PTPRD: variants seen among roughly 807,000 people sequenced by gnomAD.
PTPRD encodes receptor-type tyrosine-protein phosphatase delta.
Under a neutral mutation model 214.5 loss-of-function variants are expected in PTPRD, and 34 were observed. The observed-to-expected ratio is 0.16, with a 90% CI of 0.12 to 0.21. PTPRD has a LOEUF of 0.21. Among genes scored for constraint, PTPRD ranks in the 10% least tolerant of loss-of-function variants. The pLI is 1.00. For synonymous variants in PTPRD, 1,128 were observed against 845.7 expected (o/e 1.33, Z -5.79); for missense variants, 2,545 against 2,398.7 (o/e 1.06, Z -1.27).
At chr9:9,010,571 C>A (rs185736368) in intron 11 of PTPRD, among the ~76,000 whole-genome samples, 25 of 152,318 alleles carry the variant, frequency 1.6e-4, no homozygotes, top group African/African-American at 5.8e-4. Flanking sequence ...CATGTTTTCA[C>A]ATGTTGCTTT....
At position 8,484,058 on chromosome 9, in the gene PTPRD, A is replaced by T. The variant is rs996393901; in HGVS notation, c.3413+61T>A. 11 of 1,549,234 alleles carry T rather than the reference A, an allele frequency of 7.1e-6. No homozygotes were observed. In the Admixed American group the frequency reaches 1.1e-4, roughly 16 times the overall value. On this transcript the variant is annotated intron_variant, in intron 30 of 45. Transcript: ENST00000381196. ...CTTTTACGACCTCTATAATTTTGAG[A>T]TATAATGTTCCTATTTACCTATAAT...
chr9:9,595,297 T>C (rs2093197909), intron 7 of PTPRD, among the ~76,000 whole-genome samples: 4 of 62,238 alleles, frequency 6.4e-5, no homozygotes, highest in East Asian at 2.9e-4. Flanking sequence ...ATTATATATA[T>C]ATATATATAT....
intron 4 of PTPRD, 35 bp from the exon 5 acceptor site, chr9:9,938,645 G>A (rs919760705): frequency 6.6e-6 from 1 of 152,140 alleles, no homozygotes; most frequent in African/African-American, 2.4e-5. Context: ...ATTTCTTCAT[G>A]TTCCTTGAAG....
At chr9:9,748,140 T>C (rs574580103) in intron 6 of PTPRD, among the ~76,000 whole-genome samples, 3 of 152,342 alleles carry the variant, frequency 2.0e-5, no homozygotes, top group East Asian at 3.9e-4. Context: ...GGTTCACTGC[T>C]GTAAAATAGT....
At chr9:9,984,058 T>G (rs188335889) in intron 4 of PTPRD, among the ~76,000 whole-genome samples, 19 of 152,258 alleles carry the variant, frequency 1.2e-4, no homozygotes, top group Middle Eastern at 3.4e-3. Flanking sequence ...AAAAATGACT[T>G]TTTAATTGTT....
chr9:8,772,564 G>A (rs2154486331), intron 11 of PTPRD, among the ~76,000 whole-genome samples: 1 of 152,136 alleles, frequency 6.6e-6, no homozygotes, highest in East Asian at 1.9e-4. Context: ...GATCACTTGA[G>A]CCCAGGAGTT....
At chr9:9,017,136 C>T (rs420441) in intron 11 of PTPRD, among the ~76,000 whole-genome samples, 143,794 of 152,010 alleles carry the variant, frequency 0.95, 68,361 homozygotes, top group Middle Eastern at 1. Context: ...CCCTTTGTTG[C>T]GATGATAAAT....
intron 8 of PTPRD, among the ~76,000 whole-genome samples, chr9:9,424,819 A>G (rs1042395303): frequency 6.6e-6 from 1 of 152,228 alleles, no homozygotes; most frequent in African/African-American, 2.4e-5. Context: ...AAAATAAATC[A>G]TTTAGAAAAC....
intron 5 of PTPRD, among the ~76,000 whole-genome samples, chr9:9,868,619 G>A (rs969619817): frequency 1.3e-5 from 2 of 151,896 alleles, no homozygotes; most frequent in African/African-American, 2.4e-5. Flanking sequence ...AAATCCCTGA[G>A]CGGGAGAATA....
In PTPRD at chr9:10,103,317, G is replaced by C. The variant is rs540016183; in HGVS notation, c.-544-69527C>G. On this transcript the variant is annotated intron_variant, in intron 3 of 45. Coordinates refer to ENST00000381196, the MANE Select transcript of PTPRD (RefSeq NM_002839.4). ...ATCACAATTTTCTTCCTAAAACCAG[G>C]AGGTAAGATAGACATTGACAAGATT... Among the ~76,000 whole-genome samples, 10 of 146,060 alleles carry C rather than the reference G, an allele frequency of 6.8e-5. 1 individual carries two copies. Among genetic ancestry groups the C allele is most frequent in the African/African-American group, 2.0e-4 (8 of 39,694 alleles).
intron 11 of PTPRD, among the ~76,000 whole-genome samples, chr9:8,825,507 A>G (rs1318118108): frequency 6.6e-6 from 1 of 152,214 alleles, no homozygotes; most frequent in African/African-American, 2.4e-5. Flanking sequence ...TTAACTGTTA[A>G]AAGCTGTAAT....
intron 8 of PTPRD, among the ~76,000 whole-genome samples, chr9:9,415,856 G>T (rs930561253): frequency 9.2e-5 from 14 of 152,128 alleles, no homozygotes; most frequent in African/African-American, 3.4e-4. Context: ...TCATTGTCCC[G>T]GTTAGTCGGG....
intron 10 of PTPRD, among the ~76,000 whole-genome samples, chr9:9,169,355 C>T (rs1220682391): frequency 6.6e-6 from 1 of 152,026 alleles, no homozygotes; most frequent in African/African-American, 2.4e-5. Context: ...GCTAAGAGGA[C>T]TTTTACATTT....
At chr9:10,416,459 G>C (rs1275045231) in intron 2 of PTPRD, among the ~76,000 whole-genome samples, 3 of 151,790 alleles carry the variant, frequency 2.0e-5, no homozygotes, top group Non-Finnish European at 4.4e-5. Context: ...TAATTTGAAA[G>C]AAGTTGAAGA....
At chr9:8,590,569 G>A (rs999528012) in intron 14 of PTPRD, among the ~76,000 whole-genome samples, 1 of 152,030 alleles carries the variant, frequency 6.6e-6, no homozygotes, top group Non-Finnish European at 1.5e-5. Context: ...TTCCCATCTT[G>A]CAACCCAAAA....
At chr9:10,254,308 A>C (rs1192040819) in intron 3 of PTPRD, among the ~76,000 whole-genome samples, 1 of 152,252 alleles carries the variant, frequency 6.6e-6, no homozygotes, top group African/African-American at 2.4e-5. Context: ...TGATTTACCA[A>C]GATTGCTTAA....
At chr9:9,016,484 T>C (rs2099535733) in intron 11 of PTPRD, among the ~76,000 whole-genome samples, 1 of 152,102 alleles carries the variant, frequency 6.6e-6, no homozygotes, top group South Asian at 2.1e-4. Flanking sequence ...CATGAGAGAA[T>C]ATATGTAAAA....
At chr9:9,557,000 CT>C (rs2081686955) in intron 8 of PTPRD, among the ~76,000 whole-genome samples, 1 of 152,178 alleles carries the variant, frequency 6.6e-6, no homozygotes. Flanking sequence ...ACTTATCCCC[CT>C]GAGACTCAGT....
chr9:9,935,341 C>T (rs1449602026), intron 5 of PTPRD, among the ~76,000 whole-genome samples: 4 of 152,194 alleles, frequency 2.6e-5, no homozygotes, highest in Non-Finnish European at 2.9e-5. Flanking sequence ...ATCGTCTCAG[C>T]CCAAAATCTC....
Sources: gnomAD v4.1 joint callset for allele counts (sites outside exome capture counted in the v4.1 genomes callset) on GRCh38, gnomAD v4.1.1 for gene constraint, MANE v1.5 for transcripts, NCBI Gene and HGNC (gene_info 2026-07-23, HGNC 2026-07-21) for gene names.